The following MSRB3 variants were observed in gnomAD, a reference collection of about 807,000 sequenced individuals.
MSRB3 encodes the protein methionine-R-sulfoxide reductase B3.
MSRB3 carries 13 observed loss-of-function variants against 21.0 expected under a neutral mutation model. The ratio of observed to expected loss-of-function variants is 0.62; its 90% confidence interval spans 0.40 to 0.98. The LOEUF is 0.98. Among genes scored for constraint, MSRB3 ranks in the 50% least tolerant of loss-of-function variants. MSRB3 has a pLI of 0.00. For synonymous variants in MSRB3, 87 were observed against 88.6 expected (o/e 0.98, Z 0.10); for missense variants, 199 against 230.3 (o/e 0.86, Z 0.88).
chr12:65,370,284 G>T (rs963558124), intron 5 of MSRB3, among the ~76,000 whole-genome samples: 2 of 152,078 alleles, frequency 1.3e-5, no homozygotes, highest in Non-Finnish European at 2.9e-5. Context: ...CATTTTTTAA[G>T]TTAAAATCTT....
At chr12:65,345,643 C>T (rs960784627) in intron 4 of MSRB3, among the ~76,000 whole-genome samples, 6 of 152,108 alleles carry the variant, frequency 3.9e-5, no homozygotes, top group African/African-American at 7.2e-5. Flanking sequence ...AGGTTTGTTA[C>T]ATATGTATAC....
intron 5 of MSRB3, among the ~76,000 whole-genome samples, chr12:65,403,546 T>C (rs534403707): frequency 1.2e-4 from 19 of 152,296 alleles, no homozygotes; most frequent in Middle Eastern, 3.4e-3. Context: ...CTGGGCTCCA[T>C]TGGGGTGAGA....
chr12:65,325,742 A>G (rs1199930617), intron 2 of MSRB3, among the ~76,000 whole-genome samples: 1 of 152,162 alleles, frequency 6.6e-6, no homozygotes, highest in African/African-American at 2.4e-5. Flanking sequence ...ACTTCAAAAC[A>G]TGGCAAGAAC....
At chr12:65,360,699 C>T (rs1049774909) in intron 4 of MSRB3, among the ~76,000 whole-genome samples, 2 of 152,056 alleles carry the variant, frequency 1.3e-5, no homozygotes, top group Admixed American at 1.3e-4. Context: ...AACATTGCCT[C>T]ACTTCAGTAA....
chr12:65,337,545 C>T (rs1298961116), intron 4 of MSRB3, among the ~76,000 whole-genome samples: 1 of 145,342 alleles, frequency 6.9e-6, no homozygotes, highest in Non-Finnish European at 1.5e-5. Flanking sequence ...GTGAGAATAA[C>T]ATCAACTGTT....
chr12:65,354,069 C>T (rs935540345), intron 4 of MSRB3, among the ~76,000 whole-genome samples: 3 of 152,012 alleles, frequency 2.0e-5, no homozygotes, highest in Non-Finnish European at 4.4e-5. Context: ...TCTCTTCTGG[C>T]TTGTAGAGTT....
At chr12:65,396,700 A>C (rs201286065) in intron 5 of MSRB3, among the ~76,000 whole-genome samples, 1 of 11,654 alleles carries the variant, frequency 8.6e-5, no homozygotes, top group Non-Finnish European at 1.5e-4. Context: ...TCAAAAAAAA[A>C]AAAAAAAGAA....
chr12:65,421,770 A>G (rs1405322347), intron 5 of MSRB3, among the ~76,000 whole-genome samples: 1 of 152,214 alleles, frequency 6.6e-6, no homozygotes, highest in East Asian at 1.9e-4. Context: ...CAGCTGATGC[A>G]AAAACACATT....
chr12:65,435,516 C>G (rs141813788), intron 5 of MSRB3, among the ~76,000 whole-genome samples: 144 of 151,984 alleles, frequency 9.5e-4, no homozygotes, highest in African/African-American at 3.1e-3. Flanking sequence ...TTTGTCAGAG[C>G]TATAGTCTGA....
At chr12:65,312,544 CT>C (rs1874048166) in intron 2 of MSRB3, among the ~76,000 whole-genome samples, 1 of 151,944 alleles carries the variant, frequency 6.6e-6, no homozygotes, top group South Asian at 2.1e-4. Flanking sequence ...ATAAATTATA[CT>C]TTTTTTCTAC....
At chr12:65,342,104 A>G (rs1347339561) in intron 4 of MSRB3, among the ~76,000 whole-genome samples, 1 of 151,918 alleles carries the variant, frequency 6.6e-6, no homozygotes, top group Non-Finnish European at 1.5e-5. Flanking sequence ...GCCTTTCTAA[A>G]CAAGATTCCC....
intron 1 of MSRB3, among the ~76,000 whole-genome samples, chr12:65,281,338 A>G (rs1394552703): frequency 6.6e-6 from 1 of 152,190 alleles, no homozygotes; most frequent in Non-Finnish European, 1.5e-5. Flanking sequence ...GACAGTTTCC[A>G]TGTCTCTTCT....
intron 1 of MSRB3, among the ~76,000 whole-genome samples, chr12:65,295,520 A>C (rs1432311675): frequency 6.6e-6 from 1 of 151,868 alleles, no homozygotes; most frequent in Non-Finnish European, 1.5e-5. Flanking sequence ...TTCATACATC[A>C]TTTGGCTAAA....
chr12:65,326,287 T>C (rs905910618), intron 2 of MSRB3, among the ~76,000 whole-genome samples: 3 of 152,156 alleles, frequency 2.0e-5, no homozygotes, highest in African/African-American at 4.8e-5. Context: ...GATGGAATCA[T>C]GGAGAACAGT....
At chr12:65,298,068 A>C (rs1213394048) in intron 1 of MSRB3, among the ~76,000 whole-genome samples, 1 of 151,420 alleles carries the variant, frequency 6.6e-6, no homozygotes, top group Non-Finnish European at 1.5e-5. Flanking sequence ...CAGTGGCCTG[A>C]TCTTGGCTCA....
chr12:65,404,604 T>G (rs1463284866), intron 5 of MSRB3, among the ~76,000 whole-genome samples: 1 of 152,242 alleles, frequency 6.6e-6, no homozygotes, highest in Non-Finnish European at 1.5e-5. Context: ...AGAATGTCTT[T>G]TAACATTTCT....
chr12:65,285,015 G>A (rs1020481676), intron 1 of MSRB3: 5 of 152,020 alleles, frequency 3.3e-5, no homozygotes, highest in African/African-American at 4.8e-5. Flanking sequence ...ACTCCTCCTC[G>A]TTCCTCACTC....
At position 65,328,521 on chromosome 12, in the gene MSRB3, A is replaced by G. The variant is rs1875202820; in HGVS notation, c.186-5A>G. 1 of 1,593,692 alleles carries G rather than the reference A, an allele frequency of 6.3e-7. No homozygotes were observed. The highest frequency in any genetic ancestry group is 1.3e-5 in the African/African-American group (1 of 74,614). ...AATTTTTTAAATGATCTGTTTATTTATCAGTGCCTTTGAAGGAGAATACAC... is the reference window on the plus strand; with the variant it reads ...AATTTTTTAAATGATCTGTTTATTTGTCAGTGCCTTTGAAGGAGAATACAC... On this transcript the variant is annotated splice_region_variant and splice_polypyrimidine_tract_variant and intron_variant, in intron 3 of 6. Transcript: ENST00000308259.
chr12:65,385,980 T>G (rs1879178311), intron 5 of MSRB3, among the ~76,000 whole-genome samples: 1 of 151,968 alleles, frequency 6.6e-6, no homozygotes, highest in Non-Finnish European at 1.5e-5. Flanking sequence ...ATAACTTCCT[T>G]CATTTCAGCA....
Sources: allele counts gnomAD v4.1 joint callset (sites outside exome capture counted in the v4.1 genomes callset), GRCh38; gene constraint gnomAD v4.1.1; transcripts MANE v1.5; gene names NCBI Gene and HGNC (gene_info 2026-07-23, HGNC 2026-07-21).